The following ARSB variants were observed in gnomAD, a reference collection of about 807,000 sequenced individuals.
ARSB encodes the protein arylsulfatase B.
In ARSB, 41 loss-of-function variants were observed where a neutral mutation model predicts 50.9. The observed-to-expected ratio is 0.81, with a 90% CI of 0.63 to 1.04. The LOEUF is 1.04. Ranked by LOEUF, ARSB falls within the 50% of genes least tolerant of loss-of-function variation. The pLI is 0.00. For missense variants in ARSB, 672 were observed against 693.3 expected (o/e 0.97, Z 0.35); for synonymous variants, 269 against 284.8 (o/e 0.94, Z 0.56).
At chr5:78,954,305 A>T (rs2112480202) in intron 4 of ARSB, among the ~76,000 whole-genome samples, 1 of 152,308 alleles carries the variant, frequency 6.6e-6, no homozygotes, top group Middle Eastern at 3.4e-3. Context: ...ATAAATGATG[A>T]TCTACACCCA....
At chr5:78,866,045 C>A (rs893057563) in intron 5 of ARSB, among the ~76,000 whole-genome samples, 1 of 152,198 alleles carries the variant, frequency 6.6e-6, no homozygotes, top group Non-Finnish European at 1.5e-5. Flanking sequence ...TGCCTATTAC[C>A]CAGTTCCAAA....
chr5:78,860,901 T>A (rs970836547), intron 5 of ARSB, among the ~76,000 whole-genome samples: 1 of 151,980 alleles, frequency 6.6e-6, no homozygotes, highest in Admixed American at 6.6e-5. Flanking sequence ...AAGAATCAAA[T>A]AGACACAATA....
intron 4 of ARSB, among the ~76,000 whole-genome samples, chr5:78,889,136 C>T (rs1442743707): frequency 1.3e-5 from 2 of 152,154 alleles, no homozygotes; most frequent in Non-Finnish European, 2.9e-5. Context: ...AAATAGGGTG[C>T]GGTCCATAAG....
chr5:78,876,400 C>A (rs1044888028), intron 5 of ARSB, among the ~76,000 whole-genome samples: 5 of 152,206 alleles, frequency 3.3e-5, no homozygotes, highest in Non-Finnish European at 7.3e-5. Context: ...ATTTACTTAA[C>A]CCTCTTGCCT....
chr5:78,896,186 G>C (rs1748550515), intron 4 of ARSB, among the ~76,000 whole-genome samples: 1 of 152,220 alleles, frequency 6.6e-6, no homozygotes. Flanking sequence ...GTTGAGAAGA[G>C]CACAAATGTG....
chr5:78,857,184 G>A (rs1053390274), intron 5 of ARSB, among the ~76,000 whole-genome samples: 3 of 152,106 alleles, frequency 2.0e-5, no homozygotes, highest in African/African-American at 7.2e-5. Flanking sequence ...TCTTCTTGCT[G>A]GCAAGTGCTC....
chr5:78,965,804 T>G (rs900207386), intron 2 of ARSB, among the ~76,000 whole-genome samples: 3 of 152,154 alleles, frequency 2.0e-5, no homozygotes, highest in Non-Finnish European at 4.4e-5. Context: ...ATATAATAAA[T>G]CAATTCATTT....
intron 6 of ARSB, among the ~76,000 whole-genome samples, chr5:78,797,184 G>T (rs902833820): frequency 2.0e-5 from 3 of 152,062 alleles, no homozygotes; most frequent in Non-Finnish European, 4.4e-5. Context: ...GGCAGGTCTC[G>T]ATCTCTTGAC....
intron 6 of ARSB, among the ~76,000 whole-genome samples, chr5:78,812,628 CACATG>C (rs1743854435): frequency 6.7e-6 from 1 of 148,510 alleles, no homozygotes; most frequent in African/African-American, 2.5e-5. Context: ...CACACACACA[CACATG>C]ATATCACAAT....
Position 78,885,611 on chromosome 5 carries a change from T to A in ARSB, c.1115A>T (p.Asp372Val). The A allele has an allele frequency of 1.2e-6, 2 of 1,614,064 alleles. No homozygotes were observed. The highest frequency in any genetic ancestry group is 1.7e-6 in the Non-Finnish European group (2 of 1,180,014). ...GATGGTTTTCCACACGTCGAAGCCATCCAGAGGCTTTGTGCCATTGGTGTG... is the reference window on the plus strand; with the variant it reads ...GATGGTTTTCCACACGTCGAAGCCAACCAGAGGCTTTGTGCCATTGGTGTG... ...RGHTNGTKPL[D>V]GFDVWKTISE... is the part of the protein sequence containing the mutation. The change falls in exon 5 of 8, where the codon GAT becomes GTT. Residue 372 changes from aspartate (D) to valine (V), a missense_variant. Coordinates refer to ENST00000264914, the MANE Select transcript of ARSB (RefSeq NM_000046.5).
chr5:78,833,607 A>G (rs1458850188), intron 6 of ARSB, among the ~76,000 whole-genome samples: 8 of 152,208 alleles, frequency 5.3e-5, no homozygotes, highest in Non-Finnish European at 1.0e-4. Context: ...GCACTGAGAT[A>G]ACCAGTGAAT....
intron 6 of ARSB, chr5:78,817,149 A>G: frequency 1.0e-6 from 1 of 983,180 alleles, no homozygotes; most frequent in African/African-American, 1.7e-5. Context: ...AGAGATAAAG[A>G]ATGATCATTA....
chr5:78,932,789 T>C (rs1750392360), intron 4 of ARSB, among the ~76,000 whole-genome samples: 1 of 152,210 alleles, frequency 6.6e-6, no homozygotes, highest in African/African-American at 2.4e-5. Context: ...AAATTTTTGG[T>C]TGTTACTGTC....
At chr5:78,879,097 TC>T (rs1554078664) in intron 5 of ARSB, among the ~76,000 whole-genome samples, 1 of 152,176 alleles carries the variant, frequency 6.6e-6, no homozygotes, top group Non-Finnish European at 1.5e-5. Flanking sequence ...CAAGCAATCC[TC>T]CCTCCTCGGC....
intron 6 of ARSB, among the ~76,000 whole-genome samples, chr5:78,836,006 C>T (rs1195645021): frequency 6.6e-6 from 1 of 152,208 alleles, no homozygotes; most frequent in Non-Finnish European, 1.5e-5. Context: ...TTTAACTCCA[C>T]AAAAGCCTCT....
chr5:78,839,320 T>G (rs527624658), intron 6 of ARSB, 36 bp downstream of exon 6: 21 of 1,591,352 alleles, frequency 1.3e-5, no homozygotes, highest in Middle Eastern at 3.3e-4. Flanking sequence ...GGTGGGCCAA[T>G]TAGATTTAAT....
chr5:78,893,137 C>T (rs553441783), intron 4 of ARSB, among the ~76,000 whole-genome samples: 1 of 152,278 alleles, frequency 6.6e-6, no homozygotes, highest in African/African-American at 2.4e-5. Context: ...AGGGGTTTCC[C>T]CTTTCACCTG....
intron 2 of ARSB, among the ~76,000 whole-genome samples, chr5:78,968,010 G>A (rs1437305756): frequency 6.6e-6 from 1 of 152,124 alleles, no homozygotes; most frequent in Non-Finnish European, 1.5e-5. Flanking sequence ...TTTAAAGAGG[G>A]CATATTTTAA....
chr5:78,952,754 A>C (rs1279208232), intron 4 of ARSB, among the ~76,000 whole-genome samples: 1 of 152,216 alleles, frequency 6.6e-6, no homozygotes. Flanking sequence ...CGTACAATAC[A>C]TTAATCCATA....
Sources: gnomAD v4.1 joint callset for allele counts (sites outside exome capture counted in the v4.1 genomes callset) on GRCh38, gnomAD v4.1.1 for gene constraint, MANE v1.5 for transcripts, NCBI Gene and HGNC (gene_info 2026-07-23, HGNC 2026-07-21) for gene names.